FGF13: variants seen among roughly 807,000 people sequenced by gnomAD.
FGF13 encodes fibroblast growth factor homologous factor 2.
Under a neutral mutation model 19.5 loss-of-function variants are expected in FGF13, and 2 were observed. That is an observed-to-expected ratio of 0.10 (90% confidence interval 0.04 to 0.32). The LOEUF is 0.32. Among genes scored for constraint, FGF13 ranks in the 10% least tolerant of loss-of-function variants. FGF13 has a pLI of 1.00. For missense variants in FGF13, 113 were observed against 192.7 expected (o/e 0.59, Z 2.45); for synonymous variants, 72 against 76.9 (o/e 0.94, Z 0.33).
chrX:138,886,074 C>T (rs2091450348), intron 1 of FGF13, among the ~76,000 whole-genome samples: 1 of 111,846 alleles, frequency 8.9e-6, no homozygotes, highest in Admixed American at 9.5e-5. Context: ...GGTTATGAGT[C>T]ATGTTTGTTT....
At chrX:139,176,405 C>G (rs1342121276) in intron 1 of FGF13, among the ~76,000 whole-genome samples, 1 of 89,276 alleles carries the variant, frequency 1.1e-5, no homozygotes, top group African/African-American at 4.2e-5. Flanking sequence ...TTGTCTCTAT[C>G]TCCTTCAGTT....
At chrX:138,984,582 AAGAAGAAGGAGGAGG>A (rs1357886754) in intron 1 of FGF13, among the ~76,000 whole-genome samples, 11 of 34,876 alleles carry the variant, frequency 3.2e-4, no homozygotes, top group African/African-American at 1.2e-3. Context: ...GAAGAAGAAG[AAGAAGAAGGAGGAGG>A]AGGAGGAGGA....
At chrX:139,179,833 A>G (rs937293126) in intron 1 of FGF13, among the ~76,000 whole-genome samples, 1 of 112,919 alleles carries the variant, frequency 8.9e-6, no homozygotes, top group African/African-American at 3.2e-5. Flanking sequence ...CACTTAATAA[A>G]TGTTTGTTGA....
intron 3 of FGF13, among the ~76,000 whole-genome samples, chrX:138,641,131 C>T (rs560003416): frequency 8.9e-6 from 1 of 112,089 alleles, no homozygotes; most frequent in Middle Eastern, 4.6e-3. Context: ...TGTCTCAATA[C>T]ATTTTGTTTA....
intron 1 of FGF13, among the ~76,000 whole-genome samples, chrX:139,057,896 AG>A (rs908725161): frequency 8.9e-6 from 1 of 111,988 alleles, no homozygotes. Flanking sequence ...AAGGTTTAGA[AG>A]AAAAGGACAG....
chrX:138,999,920 C>A (rs1303367311), intron 1 of FGF13, among the ~76,000 whole-genome samples: 1 of 111,780 alleles, frequency 8.9e-6, no homozygotes, highest in Non-Finnish European at 1.9e-5. Flanking sequence ...CGATGAACAT[C>A]GATGCAAAAT....
At position 138,623,104 on chromosome X, in the gene FGF13, AT is replaced by A. The variant is rs928537742; in HGVS notation, c.*9745del. The A allele has an allele frequency of 6.3e-5, 7 of 110,693 alleles. No homozygotes were observed. In the East Asian group the frequency reaches 1.5e-3, roughly 23 times the overall value. 9.1% of individuals were successfully genotyped at this position (110,693 alleles called of 1,213,427 possible). A position where few individuals can be genotyped will look rare whatever the true frequency, so the allele number is the denominator to read the frequency against. ...GAAGAAACAACTGATTTTTATGTTG[AT>A]TTTTTTATCAACATTGGTGAATTCT... On this transcript the variant is annotated 3_prime_UTR_variant, in exon 5 of 5. Transcript: ENST00000315930.
At chrX:139,054,369 C>T (rs199563226) in intron 1 of FGF13, among the ~76,000 whole-genome samples, 7 of 110,198 alleles carry the variant, frequency 6.4e-5, no homozygotes, top group South Asian at 3.9e-4. Flanking sequence ...GTGATCCGCC[C>T]GCCTCAGCCT....
intron 3 of FGF13, among the ~76,000 whole-genome samples, chrX:138,694,536 C>T (rs2089873196): frequency 9.5e-6 from 1 of 105,503 alleles, no homozygotes; most frequent in African/African-American, 3.4e-5. Flanking sequence ...CTGCAAGCTC[C>T]GCCTCCTGGG....
intron 3 of FGF13, among the ~76,000 whole-genome samples, chrX:138,809,074 A>G (rs1286741860): frequency 8.9e-6 from 1 of 112,116 alleles, no homozygotes; most frequent in Non-Finnish European, 1.9e-5. Flanking sequence ...AAAAAGAGGG[A>G]ATCCTCCCTA....
At chrX:138,909,034 A>G (rs1416157678) in intron 1 of FGF13, among the ~76,000 whole-genome samples, 1 of 112,084 alleles carries the variant, frequency 8.9e-6, no homozygotes, top group East Asian at 2.8e-4. Context: ...AAACACAGCA[A>G]TGTACCAGAA....
intron 3 of FGF13, among the ~76,000 whole-genome samples, chrX:138,763,231 A>G (rs1220009159): frequency 2.7e-5 from 3 of 110,803 alleles, no homozygotes; most frequent in Non-Finnish European, 3.8e-5. Flanking sequence ...GTTACACTAC[A>G]CACATCTTAT....
At chrX:138,702,281 A>C (rs2089954666) in intron 3 of FGF13, among the ~76,000 whole-genome samples, 1 of 112,206 alleles carries the variant, frequency 8.9e-6, no homozygotes, top group African/African-American at 3.2e-5. Flanking sequence ...AATAAGAATA[A>C]AATCTTAACC....
chrX:139,151,264 C>T (rs193026902), intron 1 of FGF13, among the ~76,000 whole-genome samples: 104 of 111,485 alleles, frequency 9.3e-4, no homozygotes, highest in African/African-American at 3.2e-3. Context: ...AAAATGTGTG[C>T]CAGATCAGTA....
chrX:138,648,907 C>A (rs2089335770), intron 3 of FGF13, among the ~76,000 whole-genome samples: 1 of 111,962 alleles, frequency 8.9e-6, no homozygotes. Flanking sequence ...TTCACAGCAT[C>A]AAGGAAGAGG....
At chrX:138,704,561 C>G (rs1163405065) in intron 2 of FGF13, among the ~76,000 whole-genome samples, 1 of 112,204 alleles carries the variant, frequency 8.9e-6, no homozygotes, top group African/African-American at 3.2e-5. Context: ...GATCGTTTAT[C>G]TCTGTGCATA....
intron 1 of FGF13, among the ~76,000 whole-genome samples, chrX:138,871,166 C>T (rs1469839025): frequency 8.9e-6 from 1 of 112,355 alleles, no homozygotes. Flanking sequence ...ATAGTTATAA[C>T]AATAACCAAA....
chrX:138,805,648 T>C (rs369504791), intron 3 of FGF13, among the ~76,000 whole-genome samples: 2 of 111,995 alleles, frequency 1.8e-5, no homozygotes, highest in East Asian at 2.8e-4. Flanking sequence ...AATTTTAGGA[T>C]ATAACCAATT....
At chrX:139,168,924 A>G (rs1157920172) in intron 1 of FGF13, among the ~76,000 whole-genome samples, 1 of 112,620 alleles carries the variant, frequency 8.9e-6, no homozygotes, top group African/African-American at 3.2e-5. Context: ...AGAGAAATGT[A>G]TCAAGATATG....
Sources: gnomAD v4.1 joint callset for allele counts (sites outside exome capture counted in the v4.1 genomes callset) on GRCh38, gnomAD v4.1.1 for gene constraint, MANE v1.5 for transcripts, NCBI Gene and HGNC (gene_info 2026-07-23, HGNC 2026-07-21) for gene names.